Variants in ROBO1 observed in about 807,000 individuals in gnomAD.
ROBO1 encodes roundabout homolog 1.
Under a neutral mutation model 195.9 loss-of-function variants are expected in ROBO1, and 149 were observed. The ratio of observed to expected loss-of-function variants is 0.76; its 90% CI spans 0.67 to 0.87. The LOEUF (loss-of-function observed/expected upper bound fraction) is 0.87. Among genes scored for constraint, ROBO1 ranks in the 40% least tolerant of loss-of-function variants. The pLI, the probability that ROBO1 is intolerant of heterozygous loss-of-function variation, is 0.00. For missense variants in ROBO1, 1,933 were observed against 2,068.3 expected, an observed-to-expected ratio of 0.93 and a Z score of 1.27; for synonymous variants, 816 against 733.2, an observed-to-expected ratio of 1.11 and a Z score of -1.82.
chr3:79,471,789 C>T (rs1157768248), intron 2 of ROBO1, among the ~76,000 whole-genome samples: 1 of 152,042 alleles, frequency 6.6e-6, no homozygotes, highest in Non-Finnish European at 1.5e-5. Flanking sequence ...TTTGCAGGGA[C>T]ATGGATGAAC....
At chr3:79,269,656 T>C (rs2030337053) in intron 2 of ROBO1, among the ~76,000 whole-genome samples, 1 of 151,768 alleles carries the variant, frequency 6.6e-6, no homozygotes, top group African/African-American at 2.4e-5. Flanking sequence ...ATTAATAATG[T>C]GTCTGTGAAT....
At chr3:78,928,954 G>T (rs771605640) in intron 4 of ROBO1, among the ~76,000 whole-genome samples, 1 of 152,056 alleles carries the variant, frequency 6.6e-6, no homozygotes, top group Non-Finnish European at 1.5e-5. Flanking sequence ...AGTCGGGGAG[G>T]GGGAGAGATT....
At chr3:79,665,247 A>T (rs1365612434) in intron 1 of ROBO1, among the ~76,000 whole-genome samples, 1 of 151,968 alleles carries the variant, frequency 6.6e-6, no homozygotes, top group African/African-American at 2.4e-5. Context: ...ATTAAATTTT[A>T]TATAAAGTAA....
intron 2 of ROBO1, among the ~76,000 whole-genome samples, chr3:79,552,040 G>GAA (rs201368854): frequency 3.8e-5 from 3 of 78,544 alleles, no homozygotes; most frequent in Admixed American, 1.4e-4. Context: ...TTTGCTACAG[G>GAA]AAAAAAAAAA....
At chr3:79,449,734 T>C (rs1210906009) in intron 2 of ROBO1, among the ~76,000 whole-genome samples, 1 of 152,174 alleles carries the variant, frequency 6.6e-6, no homozygotes, top group Non-Finnish European at 1.5e-5. Flanking sequence ...AAATAGTTAA[T>C]ACATTTATCC....
intron 2 of ROBO1, among the ~76,000 whole-genome samples, chr3:79,569,590 G>A (rs549368684): frequency 3.4e-4 from 51 of 152,062 alleles, no homozygotes; most frequent in African/African-American, 1.1e-3. Flanking sequence ...TAGTAAATGC[G>A]AGAATTGGTA....
intron 3 of ROBO1, among the ~76,000 whole-genome samples, chr3:79,124,290 A>G (rs2080174283): frequency 6.6e-6 from 1 of 152,084 alleles, no homozygotes; most frequent in Admixed American, 6.6e-5. Context: ...AGTTATTTAT[A>G]AGAGCAAAAC....
chr3:78,922,543 C>CCT (rs2038992754), intron 4 of ROBO1, among the ~76,000 whole-genome samples: 1 of 151,960 alleles, frequency 6.6e-6, no homozygotes, highest in African/African-American at 2.4e-5. Flanking sequence ...CTCTCCCTAT[C>CCT]CTCTCTCGAT....
In ROBO1 at chr3:78,661,178, T is replaced by C. The variant is rs747729390; in HGVS notation, c.2172A>G (p.Leu724=). 9.9e-6 allele frequency: 16 copies of C among 1,613,698 alleles called. No homozygotes were observed. The Admixed American group carries it at 2.5e-4, about 25-fold the overall frequency. ...TGGCTGGCGTCCTCACTTCAAAAAC[T>C]AACCAGTCTGATTCTCCGTGGTTGG... is the stretch of plus-strand genomic sequence containing the variant. ...SGANHGESDW[L]VFEVRTPAKN... is the part of the protein sequence containing the mutation. Residue 724 remains leucine, a synonymous_variant, in exon 16 of 31, where the codon TTA becomes TTG. Coordinates refer to ENST00000464233, the MANE Select transcript of ROBO1 (RefSeq NM_002941.4).
At chr3:79,019,457 A>G (rs2078050434) in intron 3 of ROBO1, 3 of 985,932 alleles carry the variant, frequency 3.0e-6, no homozygotes, top group Middle Eastern at 1.0e-3. Context: ...CTCCAGCTCA[A>G]TTGCTTGTGG....
rs1707855135 is a variant in ROBO1, at chr3:78,668,291, G to A, written c.1642C>T (p.Pro548Ser). ...AYIEVQEFGV[P>S]VQPPRPTDPN... is the part of the protein sequence containing the mutation. ...TCAGTAGGTCTTGGAGGCTGAACTG[G>A]AACTCCAAATTCTAAAAAGCAGGAA... is the stretch of plus-strand genomic sequence containing the variant. The change falls in exon 13 of 31, where the codon CCA becomes TCA. Residue 548 changes from proline to serine, a missense_variant. Coordinates refer to ENST00000464233, the MANE Select transcript of ROBO1 (RefSeq NM_002941.4). The A allele has an allele frequency of 6.2e-7, 1 of 1,612,390 alleles. No individual in the cohort carries two copies. The highest frequency in any genetic ancestry group is 1.7e-5 in the Admixed American group (1 of 59,670).
chr3:79,367,730 C>T (rs2036031200), intron 2 of ROBO1, among the ~76,000 whole-genome samples: 1 of 152,254 alleles, frequency 6.6e-6, no homozygotes, highest in African/African-American at 2.4e-5. Context: ...TAAATCATTG[C>T]TTATTCAGGG....
chr3:78,922,373 C>T (rs2038983944), intron 4 of ROBO1, among the ~76,000 whole-genome samples: 2 of 151,886 alleles, frequency 1.3e-5, no homozygotes, highest in African/African-American at 4.8e-5. Flanking sequence ...CCTAGACAGA[C>T]ACTCAAAGGT....
intron 2 of ROBO1, among the ~76,000 whole-genome samples, chr3:79,359,983 G>T (rs1237211891): frequency 6.6e-6 from 1 of 151,972 alleles, no homozygotes; most frequent in African/African-American, 2.4e-5. Flanking sequence ...GATAAAAGAA[G>T]AAAGATAATT....
chr3:79,370,918 T>C (rs1282223278), intron 2 of ROBO1, among the ~76,000 whole-genome samples: 2 of 152,024 alleles, frequency 1.3e-5, no homozygotes. Flanking sequence ...CTCCCACTTA[T>C]GAGTGAGAAC....
At chr3:79,347,903 C>A (rs1408217614) in intron 2 of ROBO1, among the ~76,000 whole-genome samples, 3 of 151,986 alleles carry the variant, frequency 2.0e-5, no homozygotes, top group Admixed American at 2.0e-4. Flanking sequence ...AATGTAGTAC[C>A]GTATTATGAA....
chr3:79,236,672 G>A (rs1264819813), intron 2 of ROBO1, among the ~76,000 whole-genome samples: 5 of 152,132 alleles, frequency 3.3e-5, no homozygotes, highest in Admixed American at 3.3e-4. Flanking sequence ...GGTATTTGCA[G>A]AGACATATCT....
chr3:79,002,621 T>A, intron 3 of ROBO1, among the ~76,000 whole-genome samples: 1 of 152,218 alleles, frequency 6.6e-6, no homozygotes, highest in South Asian at 2.1e-4. Context: ...GAGGCCAAGC[T>A]GCTAACCACC....
rs5850434 is a variant in ROBO1, at chr3:79,534,148, C to CAAAAAAAA, written c.88+55668_88+55675dup. ...GGAAGACTCTAGATGCTGGGGAAGG[C>CAAAAAAAA]AAAAAAAAAAAAAAAAAAAAAAAAA... On this transcript the variant is annotated intron_variant, in intron 2 of 30. Coordinates refer to ENST00000464233, the MANE Select transcript of ROBO1 (RefSeq NM_002941.4). 5.5e-4 allele frequency among the ~76,000 whole-genome samples: 33 copies of CAAAAAAAA among 59,964 alleles called. 1 individual carries two copies. The highest frequency in any genetic ancestry group is 1.9e-3 in the African/African-American group (31 of 16,002). The allele number at this position is 59,964 out of a possible 152,430, so 39.3% of individuals were successfully genotyped here. A position where few individuals can be genotyped will look rare whatever the true frequency, so the allele number is the denominator to read the frequency against.
Sources: allele counts gnomAD v4.1 joint callset (sites outside exome capture counted in the v4.1 genomes callset), GRCh38; gene constraint gnomAD v4.1.1; transcripts MANE v1.5; gene names NCBI Gene and HGNC (gene_info 2026-07-23, HGNC 2026-07-21).